The following AP3M1 variants were observed in gnomAD, a reference collection of about 807,000 sequenced individuals.
The protein encoded by AP3M1 is AP-3 complex subunit mu-1.
In AP3M1, 29 loss-of-function variants were observed where a neutral mutation model predicts 42.6. The ratio of observed to expected loss-of-function variants is 0.68; its 90% CI spans 0.51 to 0.93. The LOEUF (loss-of-function observed/expected upper bound fraction) is 0.93, where lower values mean the gene tolerates loss of function less well. Among genes scored for constraint, AP3M1 ranks in the 40% least tolerant of loss-of-function variants. The pLI is 0.00. For synonymous variants in AP3M1, 178 were observed against 175.3 expected (o/e 1.02, Z -0.12); for missense variants, 416 against 510.2 (o/e 0.82, Z 1.78).
rs771793932 is a variant in AP3M1, at chr10:74,138,397, A to T, written c.-3-15T>A. On this transcript the variant is annotated splice_polypyrimidine_tract_variant and intron_variant, in intron 1 of 8. Coordinates refer to ENST00000355264, the MANE Select transcript of AP3M1 (RefSeq NM_012095.6). ...TGGATCATTTTCTGTTGGGGCAAAGAAAGGTTTAAATTTATTATACATTAA... is the reference window on the plus strand; with the variant it reads ...TGGATCATTTTCTGTTGGGGCAAAGTAAGGTTTAAATTTATTATACATTAA... 6.2e-7 allele frequency: 1 copy of T among 1,601,760 alleles called. No homozygotes were observed. Among genetic ancestry groups the T allele is most frequent in the South Asian group, 1.1e-5 (1 of 89,468 alleles).
chr10:74,130,052 T>C, intron 4 of AP3M1, 60 bp from the exon 5 acceptor site: 1 of 1,049,004 alleles, frequency 9.5e-7, no homozygotes. Context: ...TCACTAGACC[T>C]ATCACTGTAT....
chr10:74,121,559 G>A lies in AP3M1; in HGVS notation c.*2251C>T, dbSNP rs772689559. Reference sequence around the variant, plus strand: ...TTTGATCACTAATCTCTCAGACTGTGGCCAGAATGGTGATGCTTAAGCCAA... The same window carrying A: ...TTTGATCACTAATCTCTCAGACTGTAGCCAGAATGGTGATGCTTAAGCCAA... On this transcript the variant is annotated 3_prime_UTR_variant, in exon 9 of 9. Transcript: ENST00000355264. The A allele has an allele frequency of 3.3e-5, 5 of 152,224 alleles. No individual in the cohort carries two copies. The highest frequency in any genetic ancestry group is 4.8e-5 in the African/African-American group (2 of 41,456). The allele number at this position is 152,224 out of a possible 1,614,324, so 9.4% of individuals were successfully genotyped here. A position where few individuals can be genotyped will look rare whatever the true frequency, so the allele number is the denominator to read the frequency against.
At chr10:74,127,657 CT>C (rs1461669383) in intron 6 of AP3M1, among the ~76,000 whole-genome samples, 2 of 151,684 alleles carry the variant, frequency 1.3e-5, no homozygotes, top group Non-Finnish European at 2.9e-5. Flanking sequence ...GAAACTCCGT[CT>C]CAAAACAAAC....
At chr10:74,126,116 A>C in intron 7 of AP3M1, 32 bp downstream of exon 7, 1 of 1,606,440 alleles carries the variant, frequency 6.2e-7, no homozygotes, top group Non-Finnish European at 8.5e-7. Context: ...TTGCAGAAAC[A>C]CTTGCTCACT....
intron 3 of AP3M1, among the ~76,000 whole-genome samples, chr10:74,135,396 A>G (rs1591752944): frequency 6.6e-6 from 1 of 152,232 alleles, no homozygotes; most frequent in African/African-American, 2.4e-5. Context: ...TTCAGGAGGG[A>G]TTACTTCATT....
intron 6 of AP3M1, among the ~76,000 whole-genome samples, chr10:74,128,596 G>A (rs959977996): frequency 1.3e-5 from 2 of 152,048 alleles, no homozygotes; most frequent in African/African-American, 4.8e-5. Context: ...CTTGAAGCAG[G>A]TAAATTGGGG....
At chr10:74,146,056 G>A (rs1401010189) in intron 1 of AP3M1, among the ~76,000 whole-genome samples, 1 of 152,182 alleles carries the variant, frequency 6.6e-6, no homozygotes, top group Non-Finnish European at 1.5e-5. Flanking sequence ...TATACTCACA[G>A]CATTTAGAGA....
chr10:74,128,504 G>A (rs554101021), intron 6 of AP3M1, among the ~76,000 whole-genome samples: 11 of 152,102 alleles, frequency 7.2e-5, no homozygotes, highest in Non-Finnish European at 1.6e-4. Flanking sequence ...CTCCCAAAGT[G>A]TTGGGATTAC....
Position 74,138,141 on chromosome 10 carries a change from A to G in AP3M1, c.239T>C (p.Ile80Thr). 5.0e-6 allele frequency: 8 copies of G among 1,614,114 alleles called. No individual in the cohort carries two copies. The highest frequency in any genetic ancestry group is 4.4e-5 in the South Asian group (4 of 91,070). Residue 80 changes from isoleucine to threonine, a missense_variant, in exon 2 of 9, where the codon ATT (isoleucine) becomes ACT (threonine). Transcript: ENST00000355264. ...GTCAGCAACTCGATGTAGGAACTCAATTACAAAGAGAGGTGGCACTTCGGT... is the reference window on the plus strand; with the variant it reads ...GTCAGCAACTCGATGTAGGAACTCAGTTACAAAGAGAGGTGGCACTTCGGT... Reference protein sequence around the residue: ...IQTEVPPLFVIEFLHRVADTF... With the variant: ...IQTEVPPLFVTEFLHRVADTF...
At chr10:74,125,743 A>G (rs1840594134) in intron 7 of AP3M1, among the ~76,000 whole-genome samples, 1 of 152,232 alleles carries the variant, frequency 6.6e-6, no homozygotes, top group Admixed American at 6.5e-5. Context: ...ATGCTTTTAA[A>G]TTATAAAGGA....
At chr10:74,147,639 A>C (rs1031275632) in intron 1 of AP3M1, among the ~76,000 whole-genome samples, 7 of 152,166 alleles carry the variant, frequency 4.6e-5, no homozygotes, top group Non-Finnish European at 8.8e-5. Context: ...ACCTCACAAG[A>C]AGCAGTTTTT....
chr10:74,124,277 C>T, intron 8 of AP3M1, 103 bp downstream of exon 8: 2 of 1,414,134 alleles, frequency 1.4e-6, no homozygotes, highest in Non-Finnish European at 1.9e-6. Flanking sequence ...AAATGGGCTA[C>T]TGCTCTTTCT....
chr10:74,129,328 A>G, intron 5 of AP3M1, 87 bp from the exon 6 acceptor site: 1 of 1,394,762 alleles, frequency 7.2e-7, no homozygotes. Context: ...TGTTCCCTGA[A>G]GATAAAGCAG....
At chr10:74,129,339 T>C in intron 5 of AP3M1, 98 bp from the exon 6 acceptor site, 1 of 1,314,664 alleles carries the variant, frequency 7.6e-7, no homozygotes, top group Non-Finnish European at 1.0e-6. Flanking sequence ...GATAAAGCAG[T>C]CATGGAAGAG....
intron 3 of AP3M1, among the ~76,000 whole-genome samples, chr10:74,134,764 A>C (rs1840891660): frequency 1.3e-5 from 2 of 152,182 alleles, no homozygotes; most frequent in African/African-American, 4.8e-5. Context: ...GACTTACTTA[A>C]TATTTTGGTT....
chr10:74,133,960 C>G (rs1840864191), intron 4 of AP3M1, 67 bp downstream of exon 4: 4 of 1,586,494 alleles, frequency 2.5e-6, no homozygotes, highest in Non-Finnish European at 3.4e-6. Context: ...GCCAGGACTT[C>G]AGTTTTCTAT....
chr10:74,140,391 G>A (rs1018066972), intron 1 of AP3M1, among the ~76,000 whole-genome samples: 15 of 152,204 alleles, frequency 9.9e-5, no homozygotes, highest in Admixed American at 6.5e-4. Flanking sequence ...GCCGACCAGC[G>A]CCTTCAAAGC....
chr10:74,149,213 T>C (rs1161924033), intron 1 of AP3M1, among the ~76,000 whole-genome samples: 5 of 143,606 alleles, frequency 3.5e-5, no homozygotes, highest in Non-Finnish European at 7.6e-5. Context: ...ATCATAAGAT[T>C]AAGTAAGAAA....
intron 3 of AP3M1, among the ~76,000 whole-genome samples, chr10:74,136,255 A>T (rs574472855): frequency 6.6e-6 from 1 of 152,324 alleles, no homozygotes; most frequent in African/African-American, 2.4e-5. Flanking sequence ...CATACCAGTT[A>T]TGTAATGCTA....
Sources: gnomAD v4.1 joint callset for allele counts (sites outside exome capture counted in the v4.1 genomes callset) on GRCh38, gnomAD v4.1.1 for gene constraint, MANE v1.5 for transcripts, NCBI Gene and HGNC (gene_info 2026-07-23, HGNC 2026-07-21) for gene names.